The following ATP10B variants were observed in gnomAD, a reference collection of about 807,000 sequenced individuals.
The protein encoded by ATP10B is ATPase phospholipid transporting 10B (putative), also known as phospholipid-transporting ATPase VB.
In ATP10B, 122 loss-of-function variants were observed where a neutral mutation model predicts 141.2. That is an observed-to-expected ratio of 0.86 (90% CI 0.75 to 1.00). The LOEUF (loss-of-function observed/expected upper bound fraction) is 1.00. Ranked by LOEUF, ATP10B falls within the 50% of genes least tolerant of loss-of-function variation. The pLI is 0.00. For missense variants in ATP10B, 1,876 were observed against 1,825.3 expected (o/e 1.03, Z -0.51); for synonymous variants, 685 against 692.0 (o/e 0.99, Z 0.16).
chr5:160,781,635 A>C (rs1213771029), intron 2 of ATP10B, among the ~76,000 whole-genome samples: 1 of 152,134 alleles, frequency 6.6e-6, no homozygotes, highest in Non-Finnish European at 1.5e-5. Context: ...AAAATATTTC[A>C]TTTTCCAGTG....
chr5:160,589,557 C>G (rs758774942), intron 24 of ATP10B, 35 bp downstream of exon 24: 3 of 1,524,442 alleles, frequency 2.0e-6, no homozygotes, highest in Admixed American at 3.3e-5. Context: ...GGCAGGAGCA[C>G]AGTTTTGAAG....
intron 24 of ATP10B, among the ~76,000 whole-genome samples, chr5:160,570,715 G>A (rs1260660065): frequency 2.6e-5 from 4 of 152,088 alleles, no homozygotes; most frequent in African/African-American, 7.2e-5. Context: ...CACTTCTCAC[G>A]CCTCCATTCC....
intron 10 of ATP10B, among the ~76,000 whole-genome samples, chr5:160,639,732 G>A (rs1238729858): frequency 6.6e-6 from 1 of 152,142 alleles, no homozygotes; most frequent in Non-Finnish European, 1.5e-5. Context: ...GGGGGAGATG[G>A]TTTCAGGGGT....
the ATP10B span, among the ~76,000 whole-genome samples, chr5:160,882,291 A>G: frequency 2.0e-5 from 3 of 151,336 alleles, no homozygotes; most frequent in East Asian, 3.9e-4. Context: ...AGATTCTTCA[A>G]TTTTAACAAA....
At chr5:160,626,291 C>A (rs752116729) in intron 13 of ATP10B, among the ~76,000 whole-genome samples, 1 of 152,150 alleles carries the variant, frequency 6.6e-6, no homozygotes, top group Non-Finnish European at 1.5e-5. Flanking sequence ...CATACAAACC[C>A]CCTTTGAGGA....
At chr5:160,780,944 T>C (rs898604156) in intron 2 of ATP10B, among the ~76,000 whole-genome samples, 2 of 152,182 alleles carry the variant, frequency 1.3e-5, no homozygotes, top group Non-Finnish European at 2.9e-5. Flanking sequence ...GAAGTTGCCA[T>C]GAAAATGATG....
Position 160,828,366 on chromosome 5 carries a change from T to A in ATP10B, c.-576+23575A>T, listed in dbSNP as rs528348282. ...AATGAACTTAAACAAATTTACAAGATAAAAACAACCCCATCAAAAAGTGGG... is the reference window on the plus strand; with the variant it reads ...AATGAACTTAAACAAATTTACAAGAAAAAAACAACCCCATCAAAAAGTGGG... On this transcript the variant is annotated intron_variant, in intron 1 of 25. Coordinates refer to ENST00000327245, the MANE Select transcript of ATP10B (RefSeq NM_025153.3). 3.3e-3 allele frequency among the ~76,000 whole-genome samples: 503 copies of A among 150,928 alleles called. 5 individuals are homozygous for A. The highest frequency in any genetic ancestry group is 0.012 in the African/African-American group (476 of 40,798).
chr5:160,842,331 C>T (rs1460618896), intron 1 of ATP10B, among the ~76,000 whole-genome samples: 2 of 151,920 alleles, frequency 1.3e-5, no homozygotes, highest in African/African-American at 4.8e-5. Flanking sequence ...GCACCTAAAG[C>T]TATGATTGGG....
At chr5:160,664,734 T>C (rs1762217166) in intron 7 of ATP10B, among the ~76,000 whole-genome samples, 1 of 152,194 alleles carries the variant, frequency 6.6e-6, no homozygotes, top group Non-Finnish European at 1.5e-5. Flanking sequence ...CACTTGGCCC[T>C]GGGGAATGAT....
intron 1 of ATP10B, among the ~76,000 whole-genome samples, chr5:160,819,538 AC>A (rs1297505055): frequency 2.0e-5 from 3 of 152,186 alleles, no homozygotes; most frequent in Non-Finnish European, 4.4e-5. Context: ...GCATATTATA[AC>A]AGTGTAACTG....
intron 1 of ATP10B, among the ~76,000 whole-genome samples, chr5:160,791,263 G>A (rs1771544983): frequency 6.6e-6 from 1 of 152,290 alleles, no homozygotes; most frequent in Non-Finnish European, 1.5e-5. Context: ...ATAAAGTTGT[G>A]TTGTTTTTAG....
intron 10 of ATP10B, among the ~76,000 whole-genome samples, chr5:160,637,394 T>C (rs891449473): frequency 2.6e-5 from 4 of 152,194 alleles, no homozygotes; most frequent in Non-Finnish European, 5.9e-5. Flanking sequence ...TGTCTGACAT[T>C]GATTAATTCA....
At chr5:160,612,649 C>T in intron 18 of ATP10B, 92 bp downstream of exon 18, 1 of 1,225,624 alleles carries the variant, frequency 8.2e-7, no homozygotes, top group Non-Finnish European at 1.1e-6. Context: ...CCCTGGTGTA[C>T]CCAAATCCCA....
intron 1 of ATP10B, among the ~76,000 whole-genome samples, chr5:160,816,612 A>T (rs1773652724): frequency 6.6e-6 from 1 of 152,236 alleles, no homozygotes; most frequent in South Asian, 2.1e-4. Flanking sequence ...AAACTATTCC[A>T]ATCAACAGAA....
the ATP10B span, among the ~76,000 whole-genome samples, chr5:160,864,606 G>A: frequency 6.6e-6 from 1 of 151,844 alleles, no homozygotes; most frequent in Non-Finnish European, 1.5e-5. Flanking sequence ...AAAATAAAGA[G>A]TATCCAAATT....
intron 1 of ATP10B, among the ~76,000 whole-genome samples, chr5:160,789,186 C>A (rs12517642): frequency 0.12 from 17,770 of 152,130 alleles, 1,106 homozygotes; most frequent in East Asian, 0.13. Context: ...GCTGGGAATT[C>A]AGTTTGACCA....
At chr5:160,859,754 A>G in the ATP10B span, among the ~76,000 whole-genome samples, 1 of 151,910 alleles carries the variant, frequency 6.6e-6, no homozygotes, top group East Asian at 1.9e-4. Context: ...CTAGATAACT[A>G]AGTTTAGTAT....
At chr5:160,580,389 G>A (rs759353171) in intron 24 of ATP10B, among the ~76,000 whole-genome samples, 13 of 152,092 alleles carry the variant, frequency 8.5e-5, no homozygotes, top group South Asian at 4.2e-4. Flanking sequence ...GAATTTTATC[G>A]AAGGCCTTTT....
At chr5:160,778,346 G>A (rs887343986) in intron 2 of ATP10B, among the ~76,000 whole-genome samples, 2 of 152,194 alleles carry the variant, frequency 1.3e-5, no homozygotes, top group Non-Finnish European at 2.9e-5. Flanking sequence ...ATGGAAGAAA[G>A]ACTGCTCCAG....
Sources: gnomAD v4.1 joint callset for allele counts (sites outside exome capture counted in the v4.1 genomes callset) on GRCh38, gnomAD v4.1.1 for gene constraint, MANE v1.5 for transcripts, NCBI Gene and HGNC (gene_info 2026-07-23, HGNC 2026-07-21) for gene names.